Variants in LRRK1 observed in about 807,000 individuals in gnomAD.
The protein encoded by LRRK1 is leucine rich repeat kinase 1, also known as leucine-rich repeat serine/threonine-protein kinase 1.
In LRRK1, 113 loss-of-function variants were observed where a neutral mutation model predicts 209.1. The ratio of observed to expected loss-of-function variants is 0.54; its 90% CI spans 0.46 to 0.63. The LOEUF (loss-of-function observed/expected upper bound fraction) is 0.63. Among genes scored for constraint, LRRK1 ranks in the 30% least tolerant of loss-of-function variants. The probability of loss-of-function intolerance (pLI) is 0.00; values close to 1 mark genes in which losing one functional copy is unlikely to be tolerated. For synonymous variants in LRRK1, 1,144 were observed against 1,099.7 expected, an observed-to-expected ratio of 1.04 and a Z score of -0.80; for missense variants, 2,284 against 2,632.2, an observed-to-expected ratio of 0.87 and a Z score of 2.89.
In LRRK1 at chr15:101,021,120, C is replaced by T. The variant is rs370129944; in HGVS notation, c.1677C>T (p.His559=). 3.7e-5 allele frequency: 60 copies of T among 1,614,058 alleles called. No individual in the cohort carries two copies. The highest frequency in any genetic ancestry group is 5.0e-5 in the Non-Finnish European group (59 of 1,180,018). The change falls in exon 13 of 34, where the codon CAC becomes CAT. Residue 559 remains histidine (H), a synonymous_variant. Coordinates refer to ENST00000388948, the MANE Select transcript of LRRK1 (RefSeq NM_024652.6). ...SLEVLCLNDN[H]LDTVPPSVCL... ...AAGTCCTTTGCCTGAACGACAACCACCTCGACACAGTCCCTCCCTCGGTTT... is the reference window on the plus strand; with the variant it reads ...AAGTCCTTTGCCTGAACGACAACCATCTCGACACAGTCCCTCCCTCGGTTT...
chr15:101,037,624 G>A (rs906140906), intron 20 of LRRK1, among the ~76,000 whole-genome samples: 1 of 152,210 alleles, frequency 6.6e-6, no homozygotes, highest in Non-Finnish European at 1.5e-5. Flanking sequence ...AGTGGCAACA[G>A]ATTAGGCTGG....
chr15:101,049,545 G>A (rs746307075), intron 22 of LRRK1, 99 bp from the exon 23 acceptor site: 4 of 1,401,674 alleles, frequency 2.9e-6, no homozygotes, highest in South Asian at 2.7e-5. Flanking sequence ...GTCTCTCCAG[G>A]TCCCCGGGGG....
intron 24 of LRRK1, 138 bp downstream of exon 24, chr15:101,052,098 T>C (rs2035490817): frequency 1.0e-6 from 1 of 997,176 alleles, no homozygotes; most frequent in Non-Finnish European, 1.5e-6. Context: ...CCAATCTCAG[T>C]ACCTTTTAGG....
rs1445054057 is a variant in LRRK1, at chr15:100,919,909, G to T, written c.-123+458G>T. On this transcript the variant is annotated intron_variant, in intron 1 of 33. Coordinates refer to ENST00000388948, the MANE Select transcript of LRRK1 (RefSeq NM_024652.6). The surrounding 1 kb of genome is among the most constrained non-coding windows in gnomAD (Gnocchi z 5.8). ...GGAGTGTGAGCGCGCGGGTGAGCCCGTGCCGGGGTGTCGGCAAGAGACCGC... is the reference window on the plus strand; with the variant it reads ...GGAGTGTGAGCGCGCGGGTGAGCCCTTGCCGGGGTGTCGGCAAGAGACCGC... 6.6e-6 allele frequency: 1 copy of T among 152,560 alleles called. No homozygotes were observed. The highest frequency in any genetic ancestry group is 1.5e-5 in the Non-Finnish European group (1 of 68,358). 9.5% of individuals were successfully genotyped at this position (152,560 alleles called of 1,614,324 possible).
At chr15:100,975,787 T>C (rs988310340) in intron 3 of LRRK1, among the ~76,000 whole-genome samples, 1 of 152,088 alleles carries the variant, frequency 6.6e-6, no homozygotes, top group African/African-American at 2.4e-5. Context: ...CAGCAGGACA[T>C]GGAAACAGCA....
chr15:101,021,571 T>C (rs945369182), intron 13 of LRRK1: 40 of 516,938 alleles, frequency 7.7e-5, no homozygotes, highest in African/African-American at 7.0e-4. Context: ...AGTGATCATC[T>C]TTATGGGGAT....
intron 2 of LRRK1, among the ~76,000 whole-genome samples, chr15:100,952,522 C>T (rs962961559): frequency 2.0e-5 from 3 of 152,120 alleles, no homozygotes; most frequent in Admixed American, 6.5e-5. Context: ...TGGTGTTTCA[C>T]GGGAGTAACG....
chr15:101,053,129 T>C (rs779146152), intron 25 of LRRK1, 41 bp downstream of exon 25: 1 of 1,592,982 alleles, frequency 6.3e-7, no homozygotes, highest in East Asian at 2.2e-5. Context: ...CTCAGACATA[T>C]GCTGCCCGGG....
In LRRK1 at chr15:101,014,294, TCTCC is replaced by T; in HGVS notation, c.1420-14_1420-11del. The T allele has an allele frequency of 5.2e-6, 8 of 1,542,568 alleles. No homozygotes were observed. Among genetic ancestry groups the T allele is most frequent in the Non-Finnish European group, 7.1e-6 (8 of 1,119,286 alleles). On this transcript the variant is annotated intron_variant, in intron 10 of 33. Coordinates refer to ENST00000388948, the MANE Select transcript of LRRK1 (RefSeq NM_024652.6). ...GTATCTGATGCTATCTTAGCTTCTC[TCTCC>T]CTCCCTCTCTCTCTCAGGCCCTCAT...
At chr15:100,980,612 C>T (rs1463928102) in intron 3 of LRRK1, among the ~76,000 whole-genome samples, 1 of 152,068 alleles carries the variant, frequency 6.6e-6, no homozygotes, top group African/African-American at 2.4e-5. Flanking sequence ...ATATTGCCAT[C>T]GGGGGAAACT....
intron 6 of LRRK1, among the ~76,000 whole-genome samples, chr15:100,998,896 G>A (rs1270118572): frequency 3.3e-5 from 5 of 152,148 alleles, no homozygotes; most frequent in African/African-American, 1.2e-4. Context: ...AGGTGGGTGG[G>A]TGGATAGATG....
Position 101,073,312 on chromosome 15 carries a change from G to A in LRRK1, c.*4464G>A, listed in dbSNP as rs557408366. On this transcript the variant is annotated 3_prime_UTR_variant, in exon 34 of 34. Coordinates refer to ENST00000388948, the MANE Select transcript of LRRK1 (RefSeq NM_024652.6). ...TCCCTTGGTGTTTAATCATTGCAGG[G>A]ACACCTCTCTGATTATTCACCCAGG... is the stretch of plus-strand genomic sequence containing the variant. The A allele has an allele frequency of 6.6e-6, 1 of 152,398 alleles. No homozygotes were observed. The highest frequency in any genetic ancestry group is 2.4e-5 in the African/African-American group (1 of 41,584). 9.4% of individuals were successfully genotyped at this position (152,398 alleles called of 1,614,324 possible).
chr15:100,960,669 G>A (rs943742870), intron 2 of LRRK1, among the ~76,000 whole-genome samples: 9 of 152,144 alleles, frequency 5.9e-5, no homozygotes, highest in East Asian at 1.9e-4. Context: ...CTGTAGCAGC[G>A]CACTTGAGCT....
At chr15:100,956,455 C>CTTTTTTTTTTCTTTTTTTTTTT (rs2042762776) in intron 2 of LRRK1, among the ~76,000 whole-genome samples, 7 of 60,524 alleles carry the variant, frequency 1.2e-4, no homozygotes, top group East Asian at 4.7e-4. Context: ...TTTTTTTTTT[C>CTTTTTTTTTTCTTTTTTTTTTT]TTTTTTTTTT....
Position 100,919,478 on chromosome 15 carries a change from C to T in LRRK1, c.-123+27C>T, listed in dbSNP as rs963465950. The T allele has an allele frequency of 6.8e-6, 1 of 147,806 alleles. No individual in the cohort carries two copies. Among genetic ancestry groups the T allele is most frequent in the African/African-American group, 2.4e-5 (1 of 40,956 alleles). 9.2% of individuals were successfully genotyped at this position (147,806 alleles called of 1,614,324 possible). ...TAAGCGCCGCTCCTGCCGGCGCCCCCCGGCGGCCTGGCTGCCTCCCGGCCC... is the reference window on the plus strand; with the variant it reads ...TAAGCGCCGCTCCTGCCGGCGCCCCTCGGCGGCCTGGCTGCCTCCCGGCCC... On this transcript the variant is annotated intron_variant, in intron 1 of 33. Coordinates refer to ENST00000388948, the MANE Select transcript of LRRK1 (RefSeq NM_024652.6). The surrounding 1 kb of genome is among the most constrained non-coding windows in gnomAD (Gnocchi z 5.8).
chr15:101,060,840 C>G lies in LRRK1; in HGVS notation c.4680-331C>G, dbSNP rs149983313. ...AACTTGTCTTTAGCCCTGGCTTTGT[C>G]TACTCTACAGTGAGGAGCTCCCCGC... On this transcript the variant is annotated intron_variant, in intron 29 of 33. Coordinates refer to ENST00000388948, the MANE Select transcript of LRRK1 (RefSeq NM_024652.6). Among the ~76,000 whole-genome samples, 304 of 152,346 alleles carry G rather than the reference C, an allele frequency of 2.0e-3. 1 individual carries two copies. Among genetic ancestry groups the G allele is most frequent in the African/African-American group, 6.4e-3 (267 of 41,598 alleles).
intron 2 of LRRK1, among the ~76,000 whole-genome samples, chr15:100,973,119 C>G (rs936720072): frequency 6.6e-6 from 1 of 152,236 alleles, no homozygotes; most frequent in Admixed American, 6.5e-5. Context: ...GTGGCCGCCC[C>G]GTGAGTGACC....
intron 2 of LRRK1, among the ~76,000 whole-genome samples, chr15:100,944,623 G>A (rs1161221131): frequency 6.6e-6 from 1 of 152,098 alleles, no homozygotes; most frequent in Non-Finnish European, 1.5e-5. Context: ...TCTATTTTGT[G>A]TGCTTGCTTT....
intron 21 of LRRK1, among the ~76,000 whole-genome samples, chr15:101,046,417 A>G: frequency 6.6e-6 from 1 of 152,204 alleles, no homozygotes; most frequent in Non-Finnish European, 1.5e-5. Context: ...GCCCACCTCA[A>G]AACCACCTGG....
Sources: gnomAD v4.1 joint callset for allele counts (sites outside exome capture counted in the v4.1 genomes callset) on GRCh38, gnomAD v4.1.1 for gene constraint, Gnocchi (gnomAD v3.1) non-coding constraint, MANE v1.5 for transcripts, NCBI Gene and HGNC (gene_info 2026-07-23, HGNC 2026-07-21) for gene names.